The following ITFG1 variants were observed in gnomAD, a reference collection of about 807,000 sequenced individuals.
ITFG1 encodes integrin alpha FG-GAP repeat containing 1, also known as T-cell immunomodulatory protein.
ITFG1 carries 34 observed loss-of-function variants against 81.8 expected under a neutral mutation model. The observed-to-expected ratio is 0.42, with a 90% CI of 0.32 to 0.55. The LOEUF is 0.55. Ranked by LOEUF, ITFG1 falls within the 20% of genes least tolerant of loss-of-function variation. ITFG1 has a pLI of 0.17. For synonymous variants in ITFG1, 285 were observed against 270.6 expected (o/e 1.05, Z -0.52); for missense variants, 672 against 755.4 (o/e 0.89, Z 1.29).
chr16:47,388,936 A>G (rs1349115422), intron 6 of ITFG1, among the ~76,000 whole-genome samples: 1 of 152,194 alleles, frequency 6.6e-6, no homozygotes, highest in Non-Finnish European at 1.5e-5. Flanking sequence ...TGGTAAGTTT[A>G]GGTTGCAAGA....
At chr16:47,268,146 C>T (rs924164896) in intron 10 of ITFG1, among the ~76,000 whole-genome samples, 1 of 151,296 alleles carries the variant, frequency 6.6e-6, no homozygotes, top group South Asian at 2.1e-4. Flanking sequence ...CTCAGAATGG[C>T]CATTAAAAAA....
At chr16:47,357,744 AC>A (rs1968059802) in intron 8 of ITFG1, among the ~76,000 whole-genome samples, 1 of 152,228 alleles carries the variant, frequency 6.6e-6, no homozygotes, top group Non-Finnish European at 1.5e-5. Flanking sequence ...GCAAACCTGT[AC>A]AAAATGGCTC....
intron 8 of ITFG1, among the ~76,000 whole-genome samples, chr16:47,316,636 T>C (rs955927573): frequency 6.6e-6 from 1 of 152,240 alleles, no homozygotes; most frequent in Non-Finnish European, 1.5e-5. Flanking sequence ...AGAAATTGCA[T>C]AAAGCTGTTA....
At chr16:47,177,637 GA>G (rs1243329215) in intron 14 of ITFG1, among the ~76,000 whole-genome samples, 20 of 152,256 alleles carry the variant, frequency 1.3e-4, no homozygotes, top group African/African-American at 4.8e-4. Flanking sequence ...TGATTTTAAT[GA>G]CTTCTTATTT....
chr16:47,368,463 G>A (rs889913794), intron 7 of ITFG1, among the ~76,000 whole-genome samples: 1 of 145,162 alleles, frequency 6.9e-6, no homozygotes, highest in Non-Finnish European at 1.5e-5. Flanking sequence ...GCTGAGGCAG[G>A]AGAATCACGT....
chr16:47,218,762 G>GTTT, intron 14 of ITFG1, 106 bp downstream of exon 14: 3 of 504,992 alleles, frequency 5.9e-6, no homozygotes, highest in Non-Finnish European at 1.0e-5. Context: ...TAAAAGTGAA[G>GTTT]ATGTTATTAA....
At chr16:47,401,519 A>G (rs1968661724) in intron 6 of ITFG1, among the ~76,000 whole-genome samples, 1 of 152,166 alleles carries the variant, frequency 6.6e-6, no homozygotes, top group South Asian at 2.1e-4. Context: ...AAAGGGACAC[A>G]AAAGTAGGAA....
At chr16:47,376,016 C>T in intron 6 of ITFG1, 76 bp from the exon 7 acceptor site, 1 of 760,716 alleles carries the variant, frequency 1.3e-6, no homozygotes, top group Non-Finnish European at 2.2e-6. Context: ...AAAAAAAATG[C>T]AATACATTAA....
chr16:47,370,640 A>T (rs1450917117), intron 7 of ITFG1, among the ~76,000 whole-genome samples: 1 of 152,274 alleles, frequency 6.6e-6, no homozygotes, highest in African/African-American at 2.4e-5. Context: ...TGCCCGGTTG[A>T]GCCTCAGCCT....
intron 14 of ITFG1, among the ~76,000 whole-genome samples, chr16:47,180,135 G>A (rs1293934861): frequency 6.6e-6 from 1 of 152,180 alleles, no homozygotes; most frequent in Non-Finnish European, 1.5e-5. Context: ...GCACACAGTA[G>A]GCACTTAGTA....
chr16:47,267,577 T>C (rs1966291658), intron 10 of ITFG1, among the ~76,000 whole-genome samples: 1 of 152,178 alleles, frequency 6.6e-6, no homozygotes, highest in African/African-American at 2.4e-5. Context: ...TGACGTTTAT[T>C]GACCACAACC....
chr16:47,206,102 G>A (rs1041556397), intron 14 of ITFG1, among the ~76,000 whole-genome samples: 1 of 152,140 alleles, frequency 6.6e-6, no homozygotes, highest in Non-Finnish European at 1.5e-5. Flanking sequence ...CTGACCTCAA[G>A]TGATCCACCC....
At chr16:47,366,933 G>C (rs570998693) in intron 7 of ITFG1, among the ~76,000 whole-genome samples, 2 of 152,254 alleles carry the variant, frequency 1.3e-5, no homozygotes, top group Admixed American at 1.3e-4. Context: ...AATCATTTCT[G>C]CAGTGGATAC....
Position 47,385,183 on chromosome 16 carries a change from T to C in ITFG1, c.656-9243A>G, listed in dbSNP as rs1052045780. 2.9e-4 allele frequency among the ~76,000 whole-genome samples: 44 copies of C among 152,246 alleles called. 2 individuals carry two copies. On this transcript the variant is annotated intron_variant, in intron 6 of 17. Coordinates refer to ENST00000320640, the MANE Select transcript of ITFG1 (RefSeq NM_030790.5). ...GTGACATTGTGTTTATAAAGGTCTG[T>C]ATGTTTGAAATAAGTTAAAATCAAA...
intron 15 of ITFG1, 23 bp downstream of exon 15, chr16:47,162,517 A>G: frequency 6.4e-7 from 1 of 1,564,644 alleles, no homozygotes; most frequent in Non-Finnish European, 8.7e-7. Context: ...GATTAATTGT[A>G]AACAAAATGA....
chr16:47,383,415 T>G (rs1271978064), intron 6 of ITFG1, among the ~76,000 whole-genome samples: 1 of 152,252 alleles, frequency 6.6e-6, no homozygotes, highest in Non-Finnish European at 1.5e-5. Flanking sequence ...TAAGGTTACT[T>G]AACTTTCATT....
At chr16:47,221,090 A>G (rs1328789764) in intron 13 of ITFG1, among the ~76,000 whole-genome samples, 1 of 152,156 alleles carries the variant, frequency 6.6e-6, no homozygotes, top group Non-Finnish European at 1.5e-5. Flanking sequence ...GGGGCAGAAC[A>G]GGTTTAGAGC....
At chr16:47,219,367 G>A (rs1965663641) in intron 13 of ITFG1, among the ~76,000 whole-genome samples, 1 of 152,048 alleles carries the variant, frequency 6.6e-6, no homozygotes, top group Non-Finnish European at 1.5e-5. Flanking sequence ...AAATACTGAT[G>A]ATTAGTTCCA....
intron 5 of ITFG1, among the ~76,000 whole-genome samples, chr16:47,437,387 G>A (rs1215654276): frequency 6.6e-6 from 1 of 151,720 alleles, no homozygotes; most frequent in Admixed American, 6.6e-5. Flanking sequence ...AGGACTGCTT[G>A]CGGCCAGGAG....
Sources: gnomAD v4.1 joint callset for allele counts (sites outside exome capture counted in the v4.1 genomes callset) on GRCh38, gnomAD v4.1.1 for gene constraint, MANE v1.5 for transcripts, NCBI Gene and HGNC (gene_info 2026-07-23, HGNC 2026-07-21) for gene names.